TNK1: variants seen among roughly 807,000 people sequenced by gnomAD.
TNK1 encodes tyrosine kinase non receptor 1, also known as non-receptor tyrosine-protein kinase TNK1.
In TNK1, 53 loss-of-function variants were observed where a neutral mutation model predicts 65.2. The ratio of observed to expected loss-of-function variants is 0.81; its 90% CI spans 0.65 to 1.02. TNK1 has a LOEUF of 1.02. Ranked by LOEUF, TNK1 falls within the 50% of genes least tolerant of loss-of-function variation. The pLI is 0.00. For synonymous variants in TNK1, 353 were observed against 364.6 expected (o/e 0.97, Z 0.36); for missense variants, 837 against 878.4 (o/e 0.95, Z 0.60).
In TNK1 at chr17:7,383,762, A is replaced by T; in HGVS notation, c.480A>T (p.Thr160=). ...TAGGTCCCGAAGGCCCGATGGGCAC[A>T]GAACTGGGGGACTTCCTGCGAGAGG... ...LRVGPEGPMG[T]ELGDFLREVS... is the part of the protein sequence containing the mutation. Residue 160 remains threonine (T), a synonymous_variant, in exon 5 of 13, where the codon ACA becomes ACT. Transcript: ENST00000688331. 6 of 1,612,922 alleles carry T rather than the reference A, an allele frequency of 3.7e-6. No homozygotes were observed. The highest frequency in any genetic ancestry group is 5.1e-6 in the Non-Finnish European group (6 of 1,179,442).
At position 7,383,308 on chromosome 17, in the gene TNK1, C is replaced by T. The variant is rs186306654; in HGVS notation, c.222C>T (p.Asn74=). ...KRLRSGPKSK[N]WVYKILGGFA... ...TACGTTCTGGGCCTAAGTCTAAGAA[C>T]TGGGTCTACAAGGTGTGTGTTGTAG... Residue 74 remains asparagine, a synonymous_variant, in exon 3 of 13, where the codon AAC becomes AAT. Transcript: ENST00000688331. 3.9e-4 allele frequency: 631 copies of T among 1,614,028 alleles called. No individual in the cohort carries two copies. The highest frequency in any genetic ancestry group is 4.9e-4 in the Middle Eastern group (3 of 6,062).
intron 1 of TNK1, among the ~76,000 whole-genome samples, chr17:7,381,403 C>T (rs1904805114): frequency 6.6e-6 from 1 of 152,220 alleles, no homozygotes; most frequent in Non-Finnish European, 1.5e-5. Flanking sequence ...CCTCTTCTTC[C>T]TCCTTGCTTA....
chr17:7,381,337 T>C (rs942389158), intron 1 of TNK1, among the ~76,000 whole-genome samples: 13 of 152,306 alleles, frequency 8.5e-5, no homozygotes, highest in Admixed American at 7.8e-4. Context: ...AACCCAACCC[T>C]GTTCGCGCCC....
At chr17:7,386,856 T>C in intron 8 of TNK1, 134 bp from the exon 9 acceptor site, 1 of 1,287,378 alleles carries the variant, frequency 7.8e-7, no homozygotes, top group South Asian at 1.5e-5. Context: ...CTTATTGCAT[T>C]AGGGAAAAGG....
chr17:7,389,592 C>G lies in TNK1; in HGVS notation c.*508C>G. The G allele has an allele frequency of 3.7e-6, 1 of 269,408 alleles. No homozygotes were observed. Among genetic ancestry groups the G allele is most frequent in the Admixed American group, 5.2e-5 (1 of 19,302 alleles). The allele number at this position is 269,408 out of a possible 1,614,324, so 16.7% of individuals were successfully genotyped here. ...GCCATCGTGGGTGATGACGATTGCTCTCTTGCACTCAAGGACATTTGATGC... is the reference window on the plus strand; with the variant it reads ...GCCATCGTGGGTGATGACGATTGCTGTCTTGCACTCAAGGACATTTGATGC... On this transcript the variant is annotated 3_prime_UTR_variant, in exon 13 of 13. Transcript: ENST00000688331.
At position 7,383,538 on chromosome 17, in the gene TNK1, T is replaced by G; in HGVS notation, c.348T>G (p.Val116=). 6.2e-7 allele frequency: 1 copy of G among 1,613,744 alleles called. No individual in the cohort carries two copies. The highest frequency in any genetic ancestry group is 8.5e-7 in the Non-Finnish European group (1 of 1,179,830). Residue 116 remains valine (V), a synonymous_variant, in exon 4 of 13, where the codon GTT becomes GTG. Coordinates refer to ENST00000688331, the MANE Select transcript of TNK1 (RefSeq NM_003985.6). ...GLKCLIPEGA[V]CRGELLGSGC... ...AGTGTCTGATCCCAGAGGGTGCTGT[T>G]TGCAGAGGGGAGCTGCTGGGTTCAG...
intron 6 of TNK1, 113 bp from the exon 7 acceptor site, chr17:7,384,371 T>C: frequency 6.9e-7 from 1 of 1,439,204 alleles, no homozygotes; most frequent in Middle Eastern, 2.6e-4. Context: ...AGGGTTATCC[T>C]CCTAGGCAAA....
chr17:7,387,318 T>G, intron 9 of TNK1, 60 bp from the exon 10 acceptor site: 1 of 1,553,120 alleles, frequency 6.4e-7, no homozygotes, highest in Non-Finnish European at 8.7e-7. Flanking sequence ...TGGGAGGGTA[T>G]ATTGATCTGT....
At position 7,382,753 on chromosome 17, in the gene TNK1, A is replaced by C; in HGVS notation, c.-91-83A>C. The C allele has an allele frequency of 2.9e-6, 2 of 684,212 alleles. No homozygotes were observed. Among genetic ancestry groups the C allele is most frequent in the Non-Finnish European group, 4.8e-6 (2 of 415,572 alleles). The allele number at this position is 684,212 out of a possible 1,614,324, so 42.4% of individuals were successfully genotyped here. A position where few individuals can be genotyped will look rare whatever the true frequency, so the allele number is the denominator to read the frequency against. On this transcript the variant is annotated intron_variant, in intron 1 of 12. Coordinates refer to ENST00000688331, the MANE Select transcript of TNK1 (RefSeq NM_003985.6). The surrounding 1 kb of genome is among the most constrained non-coding windows in gnomAD (Gnocchi z 4.1). ...GGGCACGGGGAACATTCTATCTGGG[A>C]TTTGTGTGCGTGAGTGGCAGGGATC... is the stretch of plus-strand genomic sequence containing the variant.
At position 7,384,013 on chromosome 17, in the gene TNK1, C is replaced by CG; in HGVS notation, c.628dup (p.Ala210GlyfsTer54). 6.7e-7 allele frequency: 1 copy of CG among 1,497,844 alleles called. No homozygotes were observed. The highest frequency in any genetic ancestry group is 1.3e-5 in the South Asian group (1 of 78,268). 92.8% of individuals were successfully genotyped at this position (1,497,844 alleles called of 1,614,324 possible). The stretch of plus-strand genomic sequence containing the variant: ...CTGGGCTCCCTGCACGCGCGCCTAA[C>CG]GGCCCCGGCCCCGACACCCCCGCTG... On this transcript the variant is annotated frameshift_variant, in exon 6 of 13. Transcript: ENST00000688331. LOFTEE classifies it high-confidence loss of function.
Position 7,389,169 on chromosome 17 carries a change from C to A in TNK1, c.*85C>A. 1 of 1,119,326 alleles carries A rather than the reference C, an allele frequency of 8.9e-7. No individual in the cohort carries two copies. The highest frequency in any genetic ancestry group is 1.3e-6 in the Non-Finnish European group (1 of 772,642). 69.3% of individuals were successfully genotyped at this position (1,119,326 alleles called of 1,614,324 possible). A position where few individuals can be genotyped will look rare whatever the true frequency, so the allele number is the denominator to read the frequency against. Reference sequence around the variant, plus strand: ...CACATGGGACCAAGCGGAACCAGAACAAGGTCCCGACAGGGGTAGACGTTC... The same window carrying A: ...CACATGGGACCAAGCGGAACCAGAAAAAGGTCCCGACAGGGGTAGACGTTC... On this transcript the variant is annotated 3_prime_UTR_variant, in exon 13 of 13. Coordinates refer to ENST00000688331, the MANE Select transcript of TNK1 (RefSeq NM_003985.6).
intron 7 of TNK1, 137 bp downstream of exon 7, chr17:7,384,891 C>A: frequency 8.3e-7 from 1 of 1,198,694 alleles, no homozygotes; most frequent in Non-Finnish European, 1.1e-6. Context: ...CAGATGCAGT[C>A]CCTACCTGCA....
intron 1 of TNK1, among the ~76,000 whole-genome samples, chr17:7,381,921 A>G (rs1904837155): frequency 6.6e-6 from 1 of 152,258 alleles, no homozygotes. Flanking sequence ...ATGGAAGGAC[A>G]CAGATGAGCC....
Position 7,388,522 on chromosome 17 carries a change from C to T in TNK1, c.1594C>T (p.Pro532Ser), listed in dbSNP as rs760377208. The change falls in exon 11 of 13, where the codon CCT (proline) becomes TCT (serine). Residue 532 changes from proline to serine, a missense_variant. Physicochemically the swap from Pro to Ser is moderately conservative, Grantham distance 74 (BLOSUM62 -1). Transcript: ENST00000688331. This position sits in a 1 kb window ranked among gnomAD's most constrained non-coding sequence, Gnocchi z 4.5. ...TGTGCCCCAGGGACCTCCAGGCCTG[C>T]CTCCACGCCCACCTTTATCCTCTAG... Reference protein sequence around the residue: ...RAVPQGPPGLPPRPPLSSSSP... With the variant: ...RAVPQGPPGLSPRPPLSSSSP... 27 of 1,613,884 alleles carry T rather than the reference C, an allele frequency of 1.7e-5. 2 individuals are homozygous for T. In the South Asian group the frequency reaches 3.0e-4, roughly 18 times the overall value.
rs925368368 is a variant in TNK1, at chr17:7,382,566, G to C, written c.-91-270G>C. ...CCACTGCGTAGCTCAGGTCTAAAAG[G>C]GCAGTGTTTCTGGGTGTCCGGGTGT... On this transcript the variant is annotated intron_variant, in intron 1 of 12. Coordinates refer to ENST00000688331, the MANE Select transcript of TNK1 (RefSeq NM_003985.6). The surrounding 1 kb of genome is among the most constrained non-coding windows in gnomAD (Gnocchi z 4.1). Among the ~76,000 whole-genome samples, 2 of 152,146 alleles carry C rather than the reference G, an allele frequency of 1.3e-5. No homozygotes were observed. The highest frequency in any genetic ancestry group is 4.8e-5 in the African/African-American group (2 of 41,420).
At chr17:7,387,240 A>T in intron 9 of TNK1, 86 bp downstream of exon 9, 1 of 1,510,708 alleles carries the variant, frequency 6.6e-7, no homozygotes, top group African/African-American at 1.4e-5. Context: ...GCCTGGGGAC[A>T]GGACCAGAGT....
chr17:7,387,297 G>T lies in TNK1; in HGVS notation c.1398-81G>T. On this transcript the variant is annotated intron_variant, in intron 9 of 12. Coordinates refer to ENST00000688331, the MANE Select transcript of TNK1 (RefSeq NM_003985.6). The stretch of plus-strand genomic sequence containing the variant: ...GGCCCTGGGTCTCCTGGGTTCCCCT[G>T]TGAGTTTTTTTGGGAGGGTATATTG... 3 of 1,532,450 alleles carry T rather than the reference G, an allele frequency of 2.0e-6. No individual in the cohort carries two copies. The Admixed American group carries it at 6.0e-5, about 31-fold the overall frequency. The allele number at this position is 1,532,450 out of a possible 1,614,324, so 94.9% of individuals were successfully genotyped here. A position where few individuals can be genotyped will look rare whatever the true frequency, so the allele number is the denominator to read the frequency against.
Position 7,386,976 on chromosome 17 carries a change from TCCTCTTTCCACAGCC to T in TNK1, c.1233-11_1236del. On this transcript the variant is annotated splice_acceptor_variant and splice_polypyrimidine_tract_variant and coding_sequence_variant and intron_variant, in exon 9 of 13. Transcript: ENST00000688331. LOFTEE classifies it high-confidence loss of function. Reference sequence around the variant, plus strand: ...CCTTATTCCCATCCTATTTACCAGCTCCTCTTTCCACAGCCCCGACTCCACAATCTGGAAGGGCCA... The same window carrying T: ...CCTTATTCCCATCCTATTTACCAGCTCCGACTCCACAATCTGGAAGGGCCA... 6.5e-7 allele frequency: 1 copy of T among 1,537,152 alleles called. No individual in the cohort carries two copies.
At chr17:7,384,895 A>G in intron 7 of TNK1, 141 bp downstream of exon 7, 1 of 1,159,402 alleles carries the variant, frequency 8.6e-7, no homozygotes. Flanking sequence ...TGCAGTCCCT[A>G]CCTGCAGGGA....
Sources: allele counts gnomAD v4.1 joint callset (sites outside exome capture counted in the v4.1 genomes callset), GRCh38; gene constraint gnomAD v4.1.1; non-coding constraint Gnocchi (gnomAD v3.1); transcripts MANE v1.5; gene names NCBI Gene and HGNC (gene_info 2026-07-23, HGNC 2026-07-21).